Variants in SIPA1L1 observed in about 807,000 individuals in gnomAD.
The protein encoded by SIPA1L1 is signal-induced proliferation-associated 1-like protein 1.
A neutral mutation model predicts 162.7 loss-of-function variants in SIPA1L1; 26 were observed. The observed-to-expected ratio is 0.16, with a 90% CI of 0.12 to 0.22. SIPA1L1 has a LOEUF of 0.22. SIPA1L1 is among the 10% of genes least tolerant of loss of function. The probability of loss-of-function intolerance (pLI) is 1.00; values close to 1 mark genes in which losing one functional copy is unlikely to be tolerated. For missense variants in SIPA1L1, 1,874 were observed against 2,241.0 expected, an observed-to-expected ratio of 0.84 and a Z score of 3.31; for synonymous variants, 829 against 837.4, an observed-to-expected ratio of 0.99 and a Z score of 0.17.
intron 2 of SIPA1L1, among the ~76,000 whole-genome samples, chr14:71,376,999 C>G (rs956393600): frequency 3.3e-5 from 5 of 152,178 alleles, no homozygotes; most frequent in Admixed American, 1.3e-4. Flanking sequence ...CCTTTCTATT[C>G]GACAAAACCA....
intron 2 of SIPA1L1, among the ~76,000 whole-genome samples, chr14:71,419,314 A>G (rs2043011147): frequency 6.6e-6 from 1 of 151,618 alleles, no homozygotes; most frequent in Non-Finnish European, 1.5e-5. Context: ...TTTCCAGTCA[A>G]CTGAAAAGTA....
intron 2 of SIPA1L1, among the ~76,000 whole-genome samples, chr14:71,353,684 TA>T (rs1279890182): frequency 6.6e-6 from 1 of 151,994 alleles, no homozygotes; most frequent in Non-Finnish European, 1.5e-5. Flanking sequence ...GTGGTGGCAA[TA>T]AATGGGGTAG....
At chr14:71,579,476 A>T (rs1055054346) in intron 4 of SIPA1L1, among the ~76,000 whole-genome samples, 7 of 152,200 alleles carry the variant, frequency 4.6e-5, no homozygotes, top group Non-Finnish European at 8.8e-5. Flanking sequence ...AGGAATGAGC[A>T]TGTGTGAGGA....
chr14:71,372,990 C>A (rs777058481), intron 2 of SIPA1L1, among the ~76,000 whole-genome samples: 1 of 152,102 alleles, frequency 6.6e-6, no homozygotes, highest in Admixed American at 6.5e-5. Flanking sequence ...AATCTCCTAA[C>A]AAACATCTAA....
At chr14:71,548,681 GAGGCCAGGAGTTCC>G (rs939778165) in intron 4 of SIPA1L1, among the ~76,000 whole-genome samples, 4 of 152,066 alleles carry the variant, frequency 2.6e-5, no homozygotes, top group African/African-American at 9.7e-5. Context: ...CGGATCGCTT[GAGGCCAGGAGTTCC>G]AGACCAGCTT....
At chr14:71,406,041 A>G (rs1046595043) in intron 2 of SIPA1L1, among the ~76,000 whole-genome samples, 1 of 152,214 alleles carries the variant, frequency 6.6e-6, no homozygotes, top group African/African-American at 2.4e-5. Context: ...TCGTCGAGAG[A>G]TAACAATGGC....
chr14:71,507,064 C>G (rs901751535), intron 2 of SIPA1L1, among the ~76,000 whole-genome samples: 5 of 152,116 alleles, frequency 3.3e-5, no homozygotes, highest in Non-Finnish European at 5.9e-5. Context: ...AGAGATATTA[C>G]GCTTATTCAC....
chr14:71,486,338 C>T (rs901330507), intron 2 of SIPA1L1, among the ~76,000 whole-genome samples: 1 of 152,268 alleles, frequency 6.6e-6, no homozygotes, highest in Non-Finnish European at 1.5e-5. Flanking sequence ...ACACAGGCTC[C>T]TGGCTTTCAG....
intron 2 of SIPA1L1, among the ~76,000 whole-genome samples, chr14:71,433,018 G>T (rs1459116665): frequency 4.6e-5 from 7 of 152,020 alleles, no homozygotes; most frequent in African/African-American, 1.7e-4. Flanking sequence ...AATGGAAAGG[G>T]GTATAATAGA....
chr14:71,707,206 G>T (rs888414924), intron 16 of SIPA1L1, among the ~76,000 whole-genome samples: 1 of 151,426 alleles, frequency 6.6e-6, no homozygotes, highest in African/African-American at 2.4e-5. Flanking sequence ...TAGACTTCCC[G>T]CCTCCCTCTA....
At chr14:71,571,990 A>G (rs1181730223) in intron 4 of SIPA1L1, among the ~76,000 whole-genome samples, 1 of 152,056 alleles carries the variant, frequency 6.6e-6, no homozygotes, top group African/African-American at 2.4e-5. Flanking sequence ...TTTCACACAG[A>G]TGGAGGCTGA....
chr14:71,590,199 G>C (rs987327454), intron 5 of SIPA1L1, among the ~76,000 whole-genome samples: 1 of 151,644 alleles, frequency 6.6e-6, no homozygotes, highest in Non-Finnish European at 1.5e-5. Flanking sequence ...TAGTATAAGT[G>C]AACCCTTACA....
chr14:71,380,581 A>G (rs974453542), intron 2 of SIPA1L1, among the ~76,000 whole-genome samples: 1 of 152,218 alleles, frequency 6.6e-6, no homozygotes, highest in Non-Finnish European at 1.5e-5. Flanking sequence ...GGAGAACAAG[A>G]CTTTAAGAGA....
chr14:71,685,892 C>T (rs868209236), intron 13 of SIPA1L1, among the ~76,000 whole-genome samples: 4 of 152,170 alleles, frequency 2.6e-5, no homozygotes, highest in Middle Eastern at 3.2e-3. Flanking sequence ...TATCAACAGA[C>T]GTCGTTACTG....
intron 7 of SIPA1L1, among the ~76,000 whole-genome samples, chr14:71,643,768 T>C (rs1283432829): frequency 6.6e-6 from 1 of 152,196 alleles, no homozygotes; most frequent in African/African-American, 2.4e-5. Context: ...ATATTTTCCT[T>C]TGATATAACA....
chr14:71,404,500 C>T (rs2041906581), intron 2 of SIPA1L1, among the ~76,000 whole-genome samples: 1 of 152,094 alleles, frequency 6.6e-6, no homozygotes, highest in African/African-American at 2.4e-5. Flanking sequence ...GAAGAGATTG[C>T]ACCACCGCAC....
At position 71,657,014 on chromosome 14, in the gene SIPA1L1, G is replaced by A. The variant is rs572900537; in HGVS notation, c.1994-1319G>A. 5.9e-5 allele frequency among the ~76,000 whole-genome samples: 9 copies of A among 152,274 alleles called. No homozygotes were observed. In the South Asian group the frequency reaches 1.7e-3, roughly 28 times the overall value. On this transcript the variant is annotated intron_variant, in intron 8 of 23. Coordinates refer to ENST00000381232, the MANE Select transcript of SIPA1L1 (RefSeq NM_001386936.1). ...TATGTGTCAGAGACTTTGTCTGAGA[G>A]CATCGTTCTCTAAAATGCCATCAAG...
At chr14:71,321,549 T>C (rs2032961765) in intron 2 of SIPA1L1, 1 of 152,312 alleles carries the variant, frequency 6.6e-6, no homozygotes, top group Non-Finnish European at 1.5e-5. Flanking sequence ...CTTTGCAGCC[T>C]GAGCTGGAGT....
chr14:71,411,886 T>C (rs2042432117), intron 2 of SIPA1L1, among the ~76,000 whole-genome samples: 1 of 152,260 alleles, frequency 6.6e-6, no homozygotes, highest in Non-Finnish European at 1.5e-5. Flanking sequence ...ATGGAAATCT[T>C]GTTCAGTTAG....
Sources: gnomAD v4.1 joint callset for allele counts (sites outside exome capture counted in the v4.1 genomes callset) on GRCh38, gnomAD v4.1.1 for gene constraint, MANE v1.5 for transcripts, NCBI Gene and HGNC (gene_info 2026-07-23, HGNC 2026-07-21) for gene names.